Variants in TSHZ2 observed in about 807,000 individuals in gnomAD.
The protein encoded by TSHZ2 is teashirt zinc finger homeobox 2.
In TSHZ2, 21 loss-of-function variants were observed where a neutral mutation model predicts 74.4. The ratio of observed to expected loss-of-function variants is 0.28; its 90% CI spans 0.20 to 0.41. TSHZ2 has a LOEUF of 0.41. Among genes scored for constraint, TSHZ2 ranks in the 10% least tolerant of loss-of-function variants. TSHZ2 has a pLI of 1.00. For missense variants in TSHZ2, 1,244 were observed against 1,293.5 expected, an observed-to-expected ratio of 0.96 and a Z score of 0.59; for synonymous variants, 540 against 515.3, an observed-to-expected ratio of 1.05 and a Z score of -0.65.
intron 2 of TSHZ2, among the ~76,000 whole-genome samples, chr20:53,277,131 T>C (rs1990964603): frequency 6.6e-6 from 1 of 152,176 alleles, no homozygotes; most frequent in Non-Finnish European, 1.5e-5. Flanking sequence ...GCTTGTACTG[T>C]ATTAAGAGGA....
Position 53,432,292 on chromosome 20 carries a change from A to G in TSHZ2, c.*9-54852A>G, listed in dbSNP as rs557714322. 4.9e-4 allele frequency among the ~76,000 whole-genome samples: 75 copies of G among 152,330 alleles called. 3 individuals are homozygous for G. The South Asian group carries it at 0.015, about 31-fold the overall frequency. On this transcript the variant is annotated intron_variant, in intron 2 of 2. Coordinates refer to ENST00000371497, the MANE Select transcript of TSHZ2 (RefSeq NM_173485.6). ...CCTCCAGTTCTGTCTAAGTTGCTGCAAAAGACATTATTTCATTCTTTGTAT... is the reference window on the plus strand; with the variant it reads ...CCTCCAGTTCTGTCTAAGTTGCTGCGAAAGACATTATTTCATTCTTTGTAT...
At chr20:52,976,115 T>C (rs1242732031) in intron 1 of TSHZ2, among the ~76,000 whole-genome samples, 2 of 152,238 alleles carry the variant, frequency 1.3e-5, no homozygotes, top group Non-Finnish European at 2.9e-5. Flanking sequence ...ATAAGTTCCA[T>C]GTTTCAAGGA....
rs1989080899 is a variant in TSHZ2 at position 53,204,100 on chromosome 20, T to TATGCTATTATATCATCATATG, written c.41-49396_41-49395insCTATTATATCATCATATGATG. Among the ~76,000 whole-genome samples the TATGCTATTATATCATCATATG allele has an allele frequency of 9.0e-5, 9 of 99,804 alleles. 1 individual carries two copies. The highest frequency in any genetic ancestry group is 2.2e-4 in the Admixed American group (2 of 8,936). 65.5% of individuals were successfully genotyped at this position (99,804 alleles called of 152,430 possible). A position where few individuals can be genotyped will look rare whatever the true frequency, so the allele number is the denominator to read the frequency against. On this transcript the variant is annotated intron_variant, in intron 1 of 2. Coordinates refer to ENST00000371497, the MANE Select transcript of TSHZ2 (RefSeq NM_173485.6). Reference sequence around the variant, plus strand: ...TACTATTTATATCATCATATGATGATATGATATACTATATCATCATATGAT... The same window carrying TATGCTATTATATCATCATATG: ...TACTATTTATATCATCATATGATGATATGCTATTATATCATCATATGATGATATACTATATCATCATATGAT...
intron 1 of TSHZ2, among the ~76,000 whole-genome samples, chr20:53,214,477 C>T (rs1358792133): frequency 6.6e-6 from 1 of 152,046 alleles, no homozygotes; most frequent in Non-Finnish European, 1.5e-5. Context: ...AGGCTGAGGC[C>T]GGCAGATCAC....
At chr20:53,433,985 C>T (rs1293991936) in intron 2 of TSHZ2, among the ~76,000 whole-genome samples, 1 of 152,190 alleles carries the variant, frequency 6.6e-6, no homozygotes, top group South Asian at 2.1e-4. Context: ...TCTCCTGCCT[C>T]AGCCTCCCAA....
chr20:53,044,424 G>T (rs948880927), intron 1 of TSHZ2, among the ~76,000 whole-genome samples: 1 of 152,154 alleles, frequency 6.6e-6, no homozygotes, highest in African/African-American at 2.4e-5. Flanking sequence ...AGTGAGCTGC[G>T]AGTGAAGTTT....
chr20:53,048,617 CG>C (rs1568735546), intron 1 of TSHZ2, among the ~76,000 whole-genome samples: 1 of 152,186 alleles, frequency 6.6e-6, no homozygotes, highest in Non-Finnish European at 1.5e-5. Flanking sequence ...AAGTTTCCGG[CG>C]GATGACCTCA....
chr20:52,987,026 A>C (rs1981792650), intron 1 of TSHZ2, among the ~76,000 whole-genome samples: 1 of 152,148 alleles, frequency 6.6e-6, no homozygotes, highest in African/African-American at 2.4e-5. Context: ...GGTGCAGAAG[A>C]AGCTGTGAGT....
intron 1 of TSHZ2, among the ~76,000 whole-genome samples, chr20:53,165,710 A>G (rs1988048396): frequency 6.6e-6 from 1 of 152,226 alleles, no homozygotes; most frequent in Admixed American, 6.5e-5. Flanking sequence ...CTGCCTAGTT[A>G]AGGCGTAGTT....
chr20:53,104,162 C>T (rs1986295841), intron 1 of TSHZ2, among the ~76,000 whole-genome samples: 1 of 151,418 alleles, frequency 6.6e-6, no homozygotes, highest in Non-Finnish European at 1.5e-5. Flanking sequence ...GACCACTGGG[C>T]ACGCGTGCTG....
intron 1 of TSHZ2, among the ~76,000 whole-genome samples, chr20:53,095,752 C>T (rs1272271788): frequency 3.9e-5 from 6 of 152,154 alleles, no homozygotes; most frequent in Non-Finnish European, 8.8e-5. Context: ...ATGCCAGTGG[C>T]ATCTCCTTCT....
At chr20:53,080,524 A>G (rs1951126225) in intron 1 of TSHZ2, among the ~76,000 whole-genome samples, 1 of 152,144 alleles carries the variant, frequency 6.6e-6, no homozygotes, top group Non-Finnish European at 1.5e-5. Context: ...CCACGGACAA[A>G]GGTAGGGGAG....
intron 2 of TSHZ2, among the ~76,000 whole-genome samples, chr20:53,315,847 G>C (rs762523369): frequency 4.6e-5 from 7 of 152,120 alleles, no homozygotes; most frequent in Admixed American, 3.3e-4. Flanking sequence ...AGATTTTAGG[G>C]GCCTACGTTG....
At chr20:53,276,206 G>C (rs2145426666) in intron 2 of TSHZ2, among the ~76,000 whole-genome samples, 1 of 150,690 alleles carries the variant, frequency 6.6e-6, no homozygotes, top group Admixed American at 6.6e-5. Context: ...CAGCTCCAGG[G>C]TCTAAAGCTA....
chr20:53,298,863 G>A (rs573097390), intron 2 of TSHZ2, among the ~76,000 whole-genome samples: 1 of 152,326 alleles, frequency 6.6e-6, no homozygotes, highest in South Asian at 2.1e-4. Flanking sequence ...CAACACACCT[G>A]ATAACTGTGC....
At chr20:53,094,770 AC>A (rs1985990778) in intron 1 of TSHZ2, among the ~76,000 whole-genome samples, 1 of 152,166 alleles carries the variant, frequency 6.6e-6, no homozygotes, top group African/African-American at 2.4e-5. Flanking sequence ...GGCTCTCTGT[AC>A]CTGTGCTTCC....
At chr20:53,032,651 T>A (rs1295995556) in intron 1 of TSHZ2, among the ~76,000 whole-genome samples, 1 of 152,042 alleles carries the variant, frequency 6.6e-6, no homozygotes, top group East Asian at 1.9e-4. Context: ...CGGGGAAAAA[T>A]CATTTCTCAT....
chr20:53,041,326 G>A (rs1984033280), intron 1 of TSHZ2, among the ~76,000 whole-genome samples: 1 of 152,226 alleles, frequency 6.6e-6, no homozygotes, highest in African/African-American at 2.4e-5. Flanking sequence ...CTAGCAAGAT[G>A]CCAAAATCAG....
intron 1 of TSHZ2, among the ~76,000 whole-genome samples, chr20:53,083,756 G>A (rs939634956): frequency 1.3e-5 from 2 of 152,208 alleles, no homozygotes; most frequent in Non-Finnish European, 2.9e-5. Context: ...AAATGAGATA[G>A]TATGGAATTC....
Sources: gnomAD v4.1 joint callset for allele counts (sites outside exome capture counted in the v4.1 genomes callset) on GRCh38, gnomAD v4.1.1 for gene constraint, MANE v1.5 for transcripts, NCBI Gene and HGNC (gene_info 2026-07-23, HGNC 2026-07-21) for gene names.